The following ZNF276 variants were observed in gnomAD, a reference collection of about 807,000 sequenced individuals.
ZNF276 encodes centromere protein Z.
ZNF276 carries 59 observed loss-of-function variants against 63.9 expected under a neutral mutation model. The ratio of observed to expected loss-of-function variants is 0.92; its 90% CI spans 0.75 to 1.15. ZNF276 has a LOEUF of 1.15. Among genes scored for constraint, ZNF276 ranks in the 50% most tolerant of loss-of-function variants. ZNF276 has a pLI of 0.00. For missense variants in ZNF276, 1,084 were observed against 843.8 expected, an observed-to-expected ratio of 1.28 and a Z score of -3.53; for synonymous variants, 496 against 348.4, an observed-to-expected ratio of 1.42 and a Z score of -4.72.
intron 9 of ZNF276, among the ~76,000 whole-genome samples, chr16:89,734,975 A>G (rs2061804798): frequency 6.6e-6 from 1 of 152,140 alleles, no homozygotes; most frequent in Non-Finnish European, 1.5e-5. Context: ...CCTGGCCAAC[A>G]TGGTAAAACC....
rs553283105 is a variant in ZNF276, at chr16:89,736,317, G to A, written c.1475-1489G>A. Among the ~76,000 whole-genome samples the A allele has an allele frequency of 2.6e-3, 382 of 148,740 alleles. 2 individuals are homozygous for A. The highest frequency in any genetic ancestry group is 4.8e-3 in the Admixed American group (71 of 14,916). ...GCTGGGATTACAGGCATGAGCCACC[G>A]TGCCCAGCCCCCAATTTTTTTTTTT... On this transcript the variant is annotated intron_variant, in intron 9 of 10. Coordinates refer to ENST00000443381, the MANE Select transcript of ZNF276 (RefSeq NM_001113525.2).
intron 5 of ZNF276, among the ~76,000 whole-genome samples, chr16:89,728,892 C>T (rs2061557416): frequency 6.6e-6 from 1 of 152,188 alleles, no homozygotes; most frequent in Non-Finnish European, 1.5e-5. Flanking sequence ...ATAGGGTTCG[C>T]AGTTATGGGG....
At chr16:89,730,777 A>G (rs1474367885) in intron 6 of ZNF276, among the ~76,000 whole-genome samples, 1 of 152,112 alleles carries the variant, frequency 6.6e-6, no homozygotes, top group African/African-American at 2.4e-5. Flanking sequence ...GGGAACCCAG[A>G]AGGGCCTCTG....
Position 89,738,548 on chromosome 16 carries a change from T to C in ZNF276, c.*302T>C, listed in dbSNP as rs948918065. ...GTGCAACAAGAGCTCCATGTTATGCTTGTAATAAATTATTTACACGGGAGC... is the reference window on the plus strand; with the variant it reads ...GTGCAACAAGAGCTCCATGTTATGCCTGTAATAAATTATTTACACGGGAGC... On this transcript the variant is annotated 3_prime_UTR_variant, in exon 11 of 11. Transcript: ENST00000443381. The C allele has an allele frequency of 5.0e-6, 8 of 1,610,536 alleles. No individual in the cohort carries two copies. The African/African-American group carries it at 1.1e-4, about 22-fold the overall frequency.
chr16:89,726,156 C>T (rs2061463598), intron 4 of ZNF276, among the ~76,000 whole-genome samples: 2 of 152,174 alleles, frequency 1.3e-5, no homozygotes, highest in African/African-American at 2.4e-5. Context: ...GCTGGGATTA[C>T]AGGCTTGTGC....
At position 89,738,667 on chromosome 16, in the gene ZNF276, G is replaced by A. The variant is rs142784426; in HGVS notation, c.*421G>A. 9.5e-5 allele frequency: 154 copies of A among 1,613,786 alleles called. No individual in the cohort carries two copies. Among genetic ancestry groups the A allele is most frequent in the African/African-American group, 5.2e-4 (39 of 75,058 alleles). ...CAGCCTGCTGTCTGCTCTGGAGGGCGGCGCTCACCTCTGGGTCGCAGTCCC... is the reference window on the plus strand; with the variant it reads ...CAGCCTGCTGTCTGCTCTGGAGGGCAGCGCTCACCTCTGGGTCGCAGTCCC... On this transcript the variant is annotated 3_prime_UTR_variant, in exon 11 of 11. Coordinates refer to ENST00000443381, the MANE Select transcript of ZNF276 (RefSeq NM_001113525.2).
rs969087982 is a variant in ZNF276 at position 89,723,049 on chromosome 16, G to C, written c.510-88G>C. 2.5e-6 allele frequency: 4 copies of C among 1,610,396 alleles called. No homozygotes were observed. The East Asian group carries it at 8.9e-5, about 36-fold the overall frequency. ...GAAAGTTGCCTATGGGGACCGCTGA[G>C]GTTTGAGATCTCGAGAGGGTCCCGT... On this transcript the variant is annotated intron_variant, in intron 2 of 10. Coordinates refer to ENST00000443381, the MANE Select transcript of ZNF276 (RefSeq NM_001113525.2).
intron 7 of ZNF276, 24 bp from the exon 8 acceptor site, chr16:89,733,458 C>T (rs2061742452): frequency 6.2e-6 from 10 of 1,614,178 alleles, no homozygotes; most frequent in Non-Finnish European, 7.6e-6. Flanking sequence ...GGGGCCGGGG[C>T]TCCATGCATG....
Position 89,724,875 on chromosome 16 carries a change from C to T in ZNF276, c.1006+1166C>T, listed in dbSNP as rs547069450. On this transcript the variant is annotated intron_variant, in intron 4 of 10. Coordinates refer to ENST00000443381, the MANE Select transcript of ZNF276 (RefSeq NM_001113525.2). ...TTCTTTGTCTCTCTCTATCTACCTACCTATCTGTATATCTATGTATCTACT... is the reference window on the plus strand; with the variant it reads ...TTCTTTGTCTCTCTCTATCTACCTATCTATCTGTATATCTATGTATCTACT... Among the ~76,000 whole-genome samples, 9 of 152,290 alleles carry T rather than the reference C, an allele frequency of 5.9e-5. No homozygotes were observed. The South Asian group carries it at 1.0e-3, about 18-fold the overall frequency.
chr16:89,739,736 C>G lies in ZNF276; in HGVS notation c.*1490C>G. ...AGCAGCTGGGAGAGGATGGGGGGGT[C>G]GACCTCTTGCAGGAGGGTGGGTGTG... is the stretch of plus-strand genomic sequence containing the variant. On this transcript the variant is annotated 3_prime_UTR_variant, in exon 11 of 11. Transcript: ENST00000443381. 1 of 1,492,910 alleles carries G rather than the reference C, an allele frequency of 6.7e-7. No homozygotes were observed. Among genetic ancestry groups the G allele is most frequent in the Non-Finnish European group, 8.9e-7 (1 of 1,123,252 alleles). The allele number at this position is 1,492,910 out of a possible 1,614,324, so 92.5% of individuals were successfully genotyped here.
At chr16:89,731,902 A>G (rs1427000705) in intron 6 of ZNF276, 1 of 152,186 alleles carries the variant, frequency 6.6e-6, no homozygotes, top group Non-Finnish European at 1.5e-5. Context: ...ATTTGTGAAT[A>G]GGGAGAATTT....
intron 9 of ZNF276, among the ~76,000 whole-genome samples, chr16:89,735,381 T>C (rs977650929): frequency 1.3e-5 from 2 of 152,074 alleles, no homozygotes; most frequent in African/African-American, 2.4e-5. Flanking sequence ...AGAATAAGAA[T>C]TATTTATTCT....
At position 89,722,957 on chromosome 16, in the gene ZNF276, G is replaced by C; in HGVS notation, c.509+123G>C. 4 of 1,557,766 alleles carry C rather than the reference G, an allele frequency of 2.6e-6. 1 individual carries two copies. In the South Asian group the frequency reaches 4.8e-5, roughly 19 times the overall value. ...GGTGGGGGGAATGGGCCATGCCCGG[G>C]TTCAGTGCCAACAGCCCTGGGACTG... On this transcript the variant is annotated intron_variant, in intron 2 of 10. Transcript: ENST00000443381.
chr16:89,737,645 TTAA>T (rs2061982050), intron 9 of ZNF276, 158 bp from the exon 10 acceptor site: 1 of 1,391,308 alleles, frequency 7.2e-7, no homozygotes. Context: ...TTTAAAGATC[TTAA>T]TAAACGAGGC....
chr16:89,733,969 CA>C lies in ZNF276; in HGVS notation c.1406del (p.His469ProfsTer9). On this transcript the variant is annotated frameshift_variant, in exon 9 of 11. Transcript: ENST00000443381. LOFTEE classifies it high-confidence loss of function. The stretch of plus-strand genomic sequence containing the variant: ...GGAGGTCCGGGAGCGGCCCTGCCCC[CA>C]CCCTGGCTGCAACAAGGTTTTCATG... ...HEEVRERPCP[H>X]PGCNKVFMID... 1 of 1,614,096 alleles carries C rather than the reference CA, an allele frequency of 6.2e-7. No homozygotes were observed. The highest frequency in any genetic ancestry group is 8.5e-7 in the Non-Finnish European group (1 of 1,180,018).
chr16:89,737,322 C>A (rs1445600956), intron 9 of ZNF276, among the ~76,000 whole-genome samples: 4 of 152,108 alleles, frequency 2.6e-5, no homozygotes, highest in Non-Finnish European at 5.9e-5. Flanking sequence ...GAATTCAAGA[C>A]CAGCCTGGCC....
Position 89,738,383 on chromosome 16 carries a change from G to T in ZNF276, c.*137G>T. 7.1e-7 allele frequency: 1 copy of T among 1,410,580 alleles called. No homozygotes were observed. Among genetic ancestry groups the T allele is most frequent in the South Asian group, 1.4e-5 (1 of 73,236 alleles). The allele number at this position is 1,410,580 out of a possible 1,614,324, so 87.4% of individuals were successfully genotyped here. ...GGTGCTGGAGGCGGGCTTGGTGTCC[G>T]GCTCAAGTAGCCTTCCTCTGCTCTG... is the stretch of plus-strand genomic sequence containing the variant. On this transcript the variant is annotated 3_prime_UTR_variant, in exon 11 of 11. Transcript: ENST00000443381.
At chr16:89,729,398 G>A (rs377649739) in intron 6 of ZNF276, 80 bp downstream of exon 6, 133 of 1,270,812 alleles carry the variant, frequency 1.0e-4, no homozygotes, top group South Asian at 3.7e-4. Flanking sequence ...GCCTCTCCCC[G>A]GTGCCCACTC....
rs1312146181 is a variant in ZNF276 at position 89,721,590 on chromosome 16, A to G, written c.-51A>G. On this transcript the variant is annotated 5_prime_UTR_variant, in exon 1 of 11. Coordinates refer to ENST00000443381, the MANE Select transcript of ZNF276 (RefSeq NM_001113525.2). ...GGAGCCTAACGCCGGGTCCTCTAGG[A>G]ACCTCGGGCCGGGCAGCACCCGCGG... The G allele has an allele frequency of 2.7e-5, 39 of 1,457,778 alleles. No homozygotes were observed. The highest frequency in any genetic ancestry group is 3.1e-5 in the Non-Finnish European group (34 of 1,107,010). 90.3% of individuals were successfully genotyped at this position (1,457,778 alleles called of 1,614,324 possible).
Sources: gnomAD v4.1 joint callset for allele counts (sites outside exome capture counted in the v4.1 genomes callset) on GRCh38, gnomAD v4.1.1 for gene constraint, MANE v1.5 for transcripts, NCBI Gene and HGNC (gene_info 2026-07-23, HGNC 2026-07-21) for gene names.